Variants in PCYT1B observed in about 807,000 individuals in gnomAD.
PCYT1B encodes the protein choline-phosphate cytidylyltransferase B.
A neutral mutation model predicts 26.4 loss-of-function variants in PCYT1B; 10 were observed. That is an observed-to-expected ratio of 0.38 (90% confidence interval 0.23 to 0.64). PCYT1B has a LOEUF of 0.64. Among genes scored for constraint, PCYT1B ranks in the 30% least tolerant of loss-of-function variants. The probability of loss-of-function intolerance (pLI) is 0.56; values close to 1 mark genes in which losing one functional copy is unlikely to be tolerated. For missense variants in PCYT1B, 161 were observed against 292.7 expected (o/e 0.55, Z 3.28); for synonymous variants, 131 against 108.4 (o/e 1.21, Z -1.29).
intron 7 of PCYT1B, among the ~76,000 whole-genome samples, chrX:24,572,020 C>A (rs113953900): frequency 9.9e-5 from 11 of 111,002 alleles, no homozygotes; most frequent in African/African-American, 2.6e-4. Flanking sequence ...ATGTGTGAGT[C>A]AGGTTAGGGG....
chrX:24,670,110 AAG>A, intron 1 of PCYT1B, among the ~76,000 whole-genome samples: 1 of 75,672 alleles, frequency 1.3e-5, no homozygotes, highest in Non-Finnish European at 2.7e-5. Context: ...GAAAGAAAGA[AAG>A]AAAGGAAGGA....
At chrX:24,646,817 C>T (rs922668178) in intron 1 of PCYT1B, among the ~76,000 whole-genome samples, 172 bp downstream of exon 1, 1 of 111,767 alleles carries the variant, frequency 8.9e-6, no homozygotes, top group African/African-American at 3.3e-5. Flanking sequence ...AAACTGAGAG[C>T]AGCGCCCGGT....
chrX:24,601,491 T>C (rs1924960988), intron 3 of PCYT1B, among the ~76,000 whole-genome samples: 1 of 93,046 alleles, frequency 1.1e-5, no homozygotes, highest in African/African-American at 4.5e-5. Context: ...AAACTCTTTC[T>C]CGAAAAAAAA....
chrX:24,607,926 A>G, intron 2 of PCYT1B, 65 bp from the exon 3 acceptor site: 1 of 573,560 alleles, frequency 1.7e-6, no homozygotes, highest in Non-Finnish European at 2.9e-6. Context: ...ACCTTCTATC[A>G]GTCGTAAGAA....
At chrX:24,587,704 G>A (rs1427321559) in intron 4 of PCYT1B, among the ~76,000 whole-genome samples, 6 of 111,699 alleles carry the variant, frequency 5.4e-5, no homozygotes, top group Admixed American at 3.8e-4. Context: ...CCCATTGATG[G>A]CAATGGGCAC....
At chrX:24,630,807 G>A (rs186659946) in intron 1 of PCYT1B, among the ~76,000 whole-genome samples, 59 of 112,512 alleles carry the variant, frequency 5.2e-4, no homozygotes, top group African/African-American at 1.8e-3. Flanking sequence ...GCTGAGTTCT[G>A]AGAGAAATTC....
chrX:24,666,606 AGTGTGTGTGTGT>A (rs3859985), intron 1 of PCYT1B, among the ~76,000 whole-genome samples: 1 of 100,861 alleles, frequency 9.9e-6, no homozygotes, highest in African/African-American at 3.6e-5. Flanking sequence ...TATGTGTGTG[AGTGTGTGTGTGT>A]GTGTGTGTGT....
chrX:24,648,171 T>C (rs571775989), upstream of PCYT1B, among the ~76,000 whole-genome samples: 2 of 111,843 alleles, frequency 1.8e-5, no homozygotes, highest in African/African-American at 6.5e-5. Flanking sequence ...CTTTAATGTC[T>C]ACATTATCTA....
At chrX:24,654,092 CTTTCTTTCTTT>C (rs1291470101) in intron 1 of PCYT1B, among the ~76,000 whole-genome samples, 2 of 73,369 alleles carry the variant, frequency 2.7e-5, no homozygotes, top group African/African-American at 5.0e-5. Context: ...TCTTTTCTTT[CTTTCTTTCTTT>C]TTTTTTTTTT....
chrX:24,641,887 G>A (rs1376702044), intron 1 of PCYT1B, among the ~76,000 whole-genome samples: 4 of 111,849 alleles, frequency 3.6e-5, no homozygotes, highest in African/African-American at 3.2e-5. Context: ...CACAATGGGG[G>A]CTTAAGATCC....
intron 1 of PCYT1B, among the ~76,000 whole-genome samples, chrX:24,663,162 T>TA (rs997285729): frequency 8.7e-4 from 97 of 111,960 alleles, no homozygotes; most frequent in Non-Finnish European, 1.5e-3. Flanking sequence ...CTTTCCCTAA[T>TA]AAAAAAAATT....
At chrX:24,637,364 G>C (rs775183952) in intron 1 of PCYT1B, among the ~76,000 whole-genome samples, 35 of 103,389 alleles carry the variant, frequency 3.4e-4, no homozygotes, top group African/African-American at 1.2e-3. Context: ...CTTTGGGGCC[G>C]GGCACGGTGG....
intron 1 of PCYT1B, among the ~76,000 whole-genome samples, chrX:24,629,559 C>CA (rs1165553186): frequency 0.055 from 891 of 16,087 alleles, 202 homozygotes; most frequent in East Asian, 0.073. Context: ...GACCCTGTCT[C>CA]AAAAAAAAAA....
intron 3 of PCYT1B, among the ~76,000 whole-genome samples, chrX:24,590,847 G>A (rs1924539604): frequency 1.0e-5 from 1 of 97,976 alleles, no homozygotes; most frequent in African/African-American, 3.8e-5. Flanking sequence ...AGGCTGGAGT[G>A]CAGTGGCTCC....
chrX:24,664,483 T>C, intron 1 of PCYT1B, among the ~76,000 whole-genome samples: 1 of 112,119 alleles, frequency 8.9e-6, no homozygotes, highest in Non-Finnish European at 1.9e-5. Context: ...CATGCACTGA[T>C]TACCTTCTTA....
intron 7 of PCYT1B, among the ~76,000 whole-genome samples, chrX:24,572,258 A>ATG (rs1174164754): frequency 4.8e-5 from 5 of 103,182 alleles, no homozygotes; most frequent in Non-Finnish European, 7.9e-5. Flanking sequence ...ACATACACAC[A>ATG]CGCGCGCGCA....
At chrX:24,586,177 T>C (rs1924365510) in intron 5 of PCYT1B, among the ~76,000 whole-genome samples, 1 of 112,602 alleles carries the variant, frequency 8.9e-6, no homozygotes, top group Admixed American at 9.4e-5. Context: ...TATGTCTTAT[T>C]CATTTTCTCT....
intron 3 of PCYT1B, among the ~76,000 whole-genome samples, chrX:24,607,370 T>G (rs1255554604): frequency 8.9e-6 from 1 of 112,534 alleles, no homozygotes; most frequent in Non-Finnish European, 1.9e-5. Flanking sequence ...CCTAACTCCC[T>G]TTAGTTCTTT....
In PCYT1B at chrX:24,561,776, G is replaced by A; in HGVS notation, c.*517C>T. On this transcript the variant is annotated 3_prime_UTR_variant, in exon 8 of 8. Transcript: ENST00000379144. Reference sequence around the variant, plus strand: ...TGATGCGTTCCAACATCAGGTCTCAGTGGCTGGACTGAGGAGGTTGGAATC... The same window carrying A: ...TGATGCGTTCCAACATCAGGTCTCAATGGCTGGACTGAGGAGGTTGGAATC... The A allele has an allele frequency of 3.2e-6, 1 of 308,655 alleles. No individual in the cohort carries two copies. Among genetic ancestry groups the A allele is most frequent in the East Asian group, 5.7e-5 (1 of 17,632 alleles). 25.4% of individuals were successfully genotyped at this position (308,655 alleles called of 1,213,427 possible).
Sources: gnomAD v4.1 joint callset for allele counts (sites outside exome capture counted in the v4.1 genomes callset) on GRCh38, gnomAD v4.1.1 for gene constraint, MANE v1.5 for transcripts, NCBI Gene and HGNC (gene_info 2026-07-23, HGNC 2026-07-21) for gene names.